The following KIF16B variants were observed in gnomAD, a reference collection of about 807,000 sequenced individuals.
The protein encoded by KIF16B is kinesin-like protein KIF16B.
In KIF16B, 98 loss-of-function variants were observed where a neutral mutation model predicts 156.3. The ratio of observed to expected loss-of-function variants is 0.63; its 90% CI spans 0.53 to 0.74. The LOEUF is 0.74. KIF16B is among the 30% of genes least tolerant of loss of function. The pLI, the probability that KIF16B is intolerant of heterozygous loss-of-function variation, is 0.00. For synonymous variants in KIF16B, 564 were observed against 583.7 expected (o/e 0.97, Z 0.49); for missense variants, 1,421 against 1,606.5 (o/e 0.88, Z 1.97).
At chr20:16,566,251 C>T (rs1220625369) in intron 1 of KIF16B, among the ~76,000 whole-genome samples, 1 of 152,240 alleles carries the variant, frequency 6.6e-6, no homozygotes, top group African/African-American at 2.4e-5. Context: ...GTTCTCTTTA[C>T]TGTCTTCCTG....
At chr20:16,287,600 T>A (rs1430946747) in intron 25 of KIF16B, among the ~76,000 whole-genome samples, 1 of 152,256 alleles carries the variant, frequency 6.6e-6, no homozygotes, top group African/African-American at 2.4e-5. Flanking sequence ...TCACATATTC[T>A]AATAAAATCC....
intron 22 of KIF16B, among the ~76,000 whole-genome samples, chr20:16,361,006 T>G (rs1021232283): frequency 6.6e-6 from 1 of 152,202 alleles, no homozygotes; most frequent in African/African-American, 2.4e-5. Flanking sequence ...AAATTCAGTA[T>G]ACACATCATG....
Position 16,406,407 on chromosome 20 carries a change from T to C in KIF16B, c.1662A>G (p.Pro554=), listed in dbSNP as rs749452754. 3.1e-6 allele frequency: 5 copies of C among 1,613,604 alleles called. No homozygotes were observed. In the Admixed American group the frequency reaches 8.3e-5, roughly 27 times the overall value. The stretch of plus-strand genomic sequence containing the variant: ...TCTCCCTGAGCTTGGCGGCTTCCTT[T>C]GGATGGTTAAAGCGAAACATATTGG... ...GRTNMFRFNH[P]KEAAKLREKR... Residue 554 remains proline, a synonymous_variant, in exon 16 of 26, where the codon CCA becomes CCG. Transcript: ENST00000354981.
At chr20:16,359,472 C>A (rs746634104) in intron 22 of KIF16B, among the ~76,000 whole-genome samples, 2 of 152,098 alleles carry the variant, frequency 1.3e-5, no homozygotes, top group African/African-American at 2.4e-5. Flanking sequence ...TTCTACACAG[C>A]CTGCAGAACC....
chr20:16,459,368 T>C (rs2067288372), intron 12 of KIF16B, among the ~76,000 whole-genome samples: 1 of 152,202 alleles, frequency 6.6e-6, no homozygotes, highest in Non-Finnish European at 1.5e-5. Context: ...ACAAAAGAAT[T>C]TTCCCAAAAG....
At chr20:16,524,718 C>CAT (rs2069474904) in intron 3 of KIF16B, among the ~76,000 whole-genome samples, 1 of 152,168 alleles carries the variant, frequency 6.6e-6, no homozygotes, top group Non-Finnish European at 1.5e-5. Flanking sequence ...TATAAAGACA[C>CAT]ATGCACACGT....
At chr20:16,543,943 T>G (rs968300879) in intron 1 of KIF16B, among the ~76,000 whole-genome samples, 1 of 152,190 alleles carries the variant, frequency 6.6e-6, no homozygotes, top group Non-Finnish European at 1.5e-5. Context: ...CACAAAGAAC[T>G]GCTGAGAGCA....
chr20:16,466,217 T>C (rs1414039412), intron 12 of KIF16B, among the ~76,000 whole-genome samples: 2 of 152,214 alleles, frequency 1.3e-5, no homozygotes, highest in African/African-American at 2.4e-5. Context: ...AGTTTCCAGT[T>C]CAGCATGTTC....
intron 1 of KIF16B, 30 bp from the exon 2 acceptor site, chr20:16,528,470 G>T (rs755878765): frequency 6.3e-6 from 9 of 1,419,792 alleles, no homozygotes; most frequent in Non-Finnish European, 8.0e-6. Flanking sequence ...GTAGTGGTTA[G>T]AAGAGAAAAG....
intron 12 of KIF16B, among the ~76,000 whole-genome samples, chr20:16,432,146 A>G (rs1405243985): frequency 1.3e-5 from 2 of 152,070 alleles, no homozygotes; most frequent in Admixed American, 1.3e-4. Flanking sequence ...CCCAGACAAA[A>G]GACCTCTAAA....
intron 19 of KIF16B, among the ~76,000 whole-genome samples, chr20:16,377,328 G>C (rs1178104495): frequency 6.6e-6 from 1 of 152,036 alleles, no homozygotes; most frequent in African/African-American, 2.4e-5. Flanking sequence ...AGGAGGCTCA[G>C]GTGGGAGAAC....
intron 1 of KIF16B, among the ~76,000 whole-genome samples, chr20:16,571,229 G>T (rs2071437994): frequency 6.6e-6 from 1 of 152,100 alleles, no homozygotes; most frequent in Non-Finnish European, 1.5e-5. Context: ...CCCATCCAGT[G>T]AGCTGCCAAA....
chr20:16,507,575 T>C (rs1435176413), intron 7 of KIF16B, among the ~76,000 whole-genome samples: 3 of 152,204 alleles, frequency 2.0e-5, no homozygotes, highest in Non-Finnish European at 4.4e-5. Context: ...ATGAGTGCCA[T>C]GGAGCGGTAA....
At chr20:16,451,274 C>T (rs1460938345) in intron 12 of KIF16B, among the ~76,000 whole-genome samples, 4 of 151,846 alleles carry the variant, frequency 2.6e-5, no homozygotes, top group East Asian at 1.9e-4. Flanking sequence ...AGCAAATGTA[C>T]GATGCTGCTA....
intron 12 of KIF16B, among the ~76,000 whole-genome samples, chr20:16,492,121 A>G (rs2068312421): frequency 6.6e-6 from 1 of 152,198 alleles, no homozygotes; most frequent in Non-Finnish European, 1.5e-5. Context: ...ACAGCTCAGG[A>G]AACTGCCACT....
intron 3 of KIF16B, 132 bp from the exon 4 acceptor site, chr20:16,515,796 G>A: frequency 3.5e-6 from 2 of 573,896 alleles, no homozygotes; most frequent in Non-Finnish European, 6.2e-6. Flanking sequence ...AATCACTGCA[G>A]AACCATTCAC....
At chr20:16,367,622 T>C (rs1190207748) in intron 22 of KIF16B, 3 of 1,612,684 alleles carry the variant, frequency 1.9e-6, no homozygotes, top group South Asian at 2.2e-5. Context: ...TTGACTTCCA[T>C]ATTTCCATGA....
chr20:16,360,484 T>C (rs914456806), intron 22 of KIF16B, among the ~76,000 whole-genome samples: 1 of 152,130 alleles, frequency 6.6e-6, no homozygotes, highest in African/African-American at 2.4e-5. Context: ...GGCATTGTAG[T>C]AGGAGGTGTG....
intron 22 of KIF16B, among the ~76,000 whole-genome samples, chr20:16,357,991 C>T (rs1020577796): frequency 2.0e-5 from 3 of 152,126 alleles, no homozygotes; most frequent in Non-Finnish European, 4.4e-5. Context: ...AGATCGAGAC[C>T]ATCCTGGCTA....
Sources: gnomAD v4.1 joint callset for allele counts (sites outside exome capture counted in the v4.1 genomes callset) on GRCh38, gnomAD v4.1.1 for gene constraint, MANE v1.5 for transcripts, NCBI Gene and HGNC (gene_info 2026-07-23, HGNC 2026-07-21) for gene names.